The following ZNF398 variants were observed in gnomAD, a reference collection of about 807,000 sequenced individuals.
The protein encoded by ZNF398 is zinc finger DNA binding protein ZER6.
In ZNF398, 18 loss-of-function variants were observed where a neutral mutation model predicts 41.9. That is an observed-to-expected ratio of 0.43 (90% confidence interval 0.30 to 0.64). ZNF398 has a LOEUF of 0.64. Among genes scored for constraint, ZNF398 ranks in the 30% least tolerant of loss-of-function variants. ZNF398 has a pLI of 0.14. For missense variants in ZNF398, 669 were observed against 822.8 expected (o/e 0.81, Z 2.29); for synonymous variants, 260 against 308.8 (o/e 0.84, Z 1.66).
In ZNF398 at chr7:149,179,756, G is replaced by A. The variant is rs1227703179; in HGVS notation, c.1884G>A (p.Glu628=). The change falls in exon 6 of 6, where the codon GAG becomes GAA. Residue 628 remains glutamate (E), a synonymous_variant. Transcript: ENST00000475153. This position sits in a 1 kb window ranked among gnomAD's most constrained non-coding sequence, Gnocchi z 6.1. ...SGLGVNTEGL[E]TNQWYGEGSG... ...TGGGTGTCAACACTGAAGGTCTAGA[G>A]ACCAACCAGTGGTATGGGGAAGGGA... is the stretch of plus-strand genomic sequence containing the variant. 4 of 1,609,364 alleles carry A rather than the reference G, an allele frequency of 2.5e-6. No homozygotes were observed. In the East Asian group the frequency reaches 6.7e-5, roughly 27 times the overall value.
At chr7:149,173,018 C>G (rs946394351) in intron 4 of ZNF398, among the ~76,000 whole-genome samples, 1 of 149,780 alleles carries the variant, frequency 6.7e-6, no homozygotes, top group Non-Finnish European at 1.5e-5. Context: ...AGTGGCGGGT[C>G]TTGCCTCAGT....
chr7:149,129,644 C>T (rs954837266), intron 2 of ZNF398, among the ~76,000 whole-genome samples: 3 of 151,436 alleles, frequency 2.0e-5, no homozygotes, highest in East Asian at 2.0e-4. Flanking sequence ...CCTCCCAAAG[C>T]GCTGGGATTA....
rs1795552304 is a variant in ZNF398 at position 149,179,768 on chromosome 7, G to T, written c.1896G>T (p.Trp632Cys). Residue 632 changes from tryptophan to cysteine, a missense_variant, in exon 6 of 6, where the codon TGG becomes TGT. Trp to Cys is a radical substitution (Grantham distance 215). This residue lies in a region of ZNF398 where 210 missense variants were observed against 290.4 expected (regional missense o/e 0.72). Coordinates refer to ENST00000475153, the MANE Select transcript of ZNF398 (RefSeq NM_170686.3). This position sits in a 1 kb window ranked among gnomAD's most constrained non-coding sequence, Gnocchi z 6.1. ...VNTEGLETNQ[W>C]YGEGSGGGVL The stretch of plus-strand genomic sequence containing the variant: ...CTGAAGGTCTAGAGACCAACCAGTG[G>T]TATGGGGAAGGGAGTGGAGGGGGAG... 9.4e-6 allele frequency: 15 copies of T among 1,602,808 alleles called. No individual in the cohort carries two copies. In the East Asian group the frequency reaches 3.1e-4, roughly 34 times the overall value.
Position 149,154,029 on chromosome 7 carries a change from C to T in ZNF398, c.109C>T (p.Gln37Ter). ...TPPAANEAHL[Q>*]TAAISLWTVV... The stretch of plus-strand genomic sequence containing the variant: ...CCCAGCAGCAAATGAGGCACACCTG[C>T]AGACAGCAGCTATCTCTCTGTGGAC... Residue 37 changes from glutamine (Q) to a stop codon, truncating the protein, a stop_gained, in exon 2 of 6, where the codon CAG becomes TAG. Coordinates refer to ENST00000475153, the MANE Select transcript of ZNF398 (RefSeq NM_170686.3). LOFTEE classifies it high-confidence loss of function. The T allele has an allele frequency of 1.9e-6, 3 of 1,614,198 alleles. No homozygotes were observed. Among genetic ancestry groups the T allele is most frequent in the Non-Finnish European group, 2.5e-6 (3 of 1,180,038 alleles).
chr7:149,147,844 T>A lies in ZNF398; in HGVS notation c.24+78T>A. On this transcript the variant is annotated intron_variant, in intron 1 of 5. Coordinates refer to ENST00000475153, the MANE Select transcript of ZNF398 (RefSeq NM_170686.3). The surrounding 1 kb of genome is among the most constrained non-coding windows in gnomAD (Gnocchi z 5.6). ...GGAGGAAGGCGGGCGGGCAGGGAGC[T>A]GCCAGGCATAGGCGCCGTTCTCGGG... The A allele has an allele frequency of 7.7e-7, 1 of 1,306,262 alleles. No individual in the cohort carries two copies. Among genetic ancestry groups the A allele is most frequent in the Middle Eastern group, 2.0e-4 (1 of 5,000 alleles). 80.9% of individuals were successfully genotyped at this position (1,306,262 alleles called of 1,614,324 possible). A position where few individuals can be genotyped will look rare whatever the true frequency, so the allele number is the denominator to read the frequency against.
chr7:149,128,644 C>T (rs955297414), intron 1 of ZNF398, among the ~76,000 whole-genome samples: 5 of 147,526 alleles, frequency 3.4e-5, no homozygotes, highest in African/African-American at 1.2e-4. Context: ...ATTTGGGAGG[C>T]AGAGGTGGGA....
intron 2 of ZNF398, among the ~76,000 whole-genome samples, chr7:149,130,745 G>C (rs79610321): frequency 7.6e-4 from 115 of 152,308 alleles, no homozygotes; most frequent in African/African-American, 2.5e-3. Flanking sequence ...AGCCAATCAT[G>C]ACAACAACAA....
upstream of ZNF398, among the ~76,000 whole-genome samples, chr7:149,144,169 A>G (rs1826884879): frequency 6.6e-6 from 1 of 152,222 alleles, no homozygotes; most frequent in Non-Finnish European, 1.5e-5. Context: ...TAATATTACC[A>G]TATTAAAGCA....
Position 149,178,792 on chromosome 7 carries a change from C to T in ZNF398, c.920C>T (p.Thr307Ile). ...AAAAGCCAGCAGTCTACATCCATGA[C>T]ACCTTTTGGACGTCCAGCCACTGAC... ...AFKSQQSTSM[T>I]PFGRPATDLP... is the part of the protein sequence containing the mutation. The change falls in exon 6 of 6, where the codon ACA becomes ATA. Residue 307 changes from threonine to isoleucine, a missense_variant. Around this residue, in one of 3 missense-constraint regions of ZNF398, gnomAD observed 290 missense variants for 292.9 expected, o/e 0.99. Transcript: ENST00000475153. 13 of 1,614,186 alleles carry T rather than the reference C, an allele frequency of 8.1e-6. No homozygotes were observed. Among genetic ancestry groups the T allele is most frequent in the Non-Finnish European group, 1.1e-5 (13 of 1,180,032 alleles).
At position 149,141,012 on chromosome 7, in the gene ZNF398, C is replaced by G. The variant is rs542202795; in HGVS notation, c.-490+12068C>G. Among the ~76,000 whole-genome samples, 13 of 147,454 alleles carry G rather than the reference C, an allele frequency of 8.8e-5. No individual in the cohort carries two copies. The East Asian group carries it at 2.6e-3, about 30-fold the overall frequency. On this transcript the variant is annotated intron_variant, in intron 2 of 6. Coordinates refer to the ZNF398 transcript ENST00000426851. ...TCATGCTTGTGCCACTGCACTCCAG[C>G]CTGCGCGACAGAGGCACAGCCTGTC...
chr7:149,139,096 G>A lies in ZNF398; in HGVS notation c.-490+10152G>A, dbSNP rs148510955. Among the ~76,000 whole-genome samples, 638 of 152,242 alleles carry A rather than the reference G, an allele frequency of 4.2e-3. 4 individuals carry two copies. The highest frequency in any genetic ancestry group is 4.7e-3 in the Non-Finnish European group (323 of 68,020). ...CAGCTAATTTTGGATTTTTAGTAGA[G>A]ACGGGGCTTCACCATGTTGACCAGA... On this transcript the variant is annotated intron_variant, in intron 2 of 6. Coordinates refer to the ZNF398 transcript ENST00000426851.
chr7:149,176,666 A>G (rs1795466342), intron 5 of ZNF398, 85 bp downstream of exon 5: 1 of 822,372 alleles, frequency 1.2e-6, no homozygotes, highest in African/African-American at 1.7e-5. Flanking sequence ...AAATTTGTAG[A>G]GGCAAATATG....
chr7:149,137,283 C>G (rs1826735307), intron 2 of ZNF398, among the ~76,000 whole-genome samples: 1 of 152,194 alleles, frequency 6.6e-6, no homozygotes, highest in African/African-American at 2.4e-5. Flanking sequence ...ATGACATGCT[C>G]ATGATTACTG....
At chr7:149,167,712 G>A (rs1221843132) in intron 4 of ZNF398, among the ~76,000 whole-genome samples, 4 of 141,488 alleles carry the variant, frequency 2.8e-5, no homozygotes, top group African/African-American at 8.0e-5. Flanking sequence ...CTGGGTTCAC[G>A]CCACTCTCCT....
At chr7:149,143,219 C>T (rs1205219946), upstream of ZNF398, among the ~76,000 whole-genome samples, 1 of 152,148 alleles carries the variant, frequency 6.6e-6, no homozygotes, top group Non-Finnish European at 1.5e-5. Context: ...TTACAAGATA[C>T]TGAAGCAAGG....
rs1563167986 is a variant in ZNF398, at chr7:149,179,298, G to C, written c.1426G>C (p.Gly476Arg). Reference sequence around the variant, plus strand: ...AATCAGCCTCCTGCTCCACCAGCGGGGTCATGCACAAGAGCGCCCTTTCTC... The same window carrying C: ...AATCAGCCTCCTGCTCCACCAGCGGCGTCATGCACAAGAGCGCCCTTTCTC... ...LKISLLLHQRGHAQERPFSCP... is the reference protein window; with the variant it reads ...LKISLLLHQRRHAQERPFSCP... The change falls in exon 6 of 6, where the codon GGT (glycine) becomes CGT (arginine). Residue 476 changes from glycine (G) to arginine (R), a missense_variant. This residue lies in a region of ZNF398 where 210 missense variants were observed against 290.4 expected (regional missense o/e 0.72). Transcript: ENST00000475153. This position sits in a 1 kb window ranked among gnomAD's most constrained non-coding sequence, Gnocchi z 6.1. 1 of 1,613,058 alleles carries C rather than the reference G, an allele frequency of 6.2e-7. No homozygotes were observed. Among genetic ancestry groups the C allele is most frequent in the Admixed American group, 1.7e-5 (1 of 60,006 alleles).
At chr7:149,135,185 ATATTT>A (rs1476481333) in intron 2 of ZNF398, among the ~76,000 whole-genome samples, 2 of 151,822 alleles carry the variant, frequency 1.3e-5, no homozygotes. Flanking sequence ...TGATTAGTAA[ATATTT>A]TATCCTGGCC....
intron 2 of ZNF398, among the ~76,000 whole-genome samples, chr7:149,134,392 G>A (rs879819724): frequency 6.6e-6 from 1 of 150,566 alleles, no homozygotes; most frequent in South Asian, 2.1e-4. Context: ...CGCTCAGCCC[G>A]TTTTTGTCTT....
chr7:149,162,659 A>G, intron 2 of ZNF398, among the ~76,000 whole-genome samples: 1 of 152,210 alleles, frequency 6.6e-6, no homozygotes, highest in East Asian at 1.9e-4. Context: ...CTGGGGAAAG[A>G]TGTAGAACTA....
Sources: allele counts gnomAD v4.1 joint callset (sites outside exome capture counted in the v4.1 genomes callset), GRCh38; gene constraint gnomAD v4.1.1; regional missense constraint gnomAD v4.1.1; non-coding constraint Gnocchi (gnomAD v3.1); transcripts MANE v1.5; gene names NCBI Gene and HGNC (gene_info 2026-07-23, HGNC 2026-07-21).